Variants in BRINP1 observed in about 807,000 individuals in gnomAD.
BRINP1 encodes the protein BMP/retinoic acid-inducible neural-specific protein 1.
Under a neutral mutation model 72.9 loss-of-function variants are expected in BRINP1, and 17 were observed. The observed-to-expected ratio is 0.23, with a 90% CI of 0.16 to 0.35. The LOEUF (loss-of-function observed/expected upper bound fraction) is 0.35. BRINP1 is among the 10% of genes least tolerant of loss of function. The probability of loss-of-function intolerance (pLI) is 1.00; values close to 1 mark genes in which losing one functional copy is unlikely to be tolerated. For synonymous variants in BRINP1, 418 were observed against 378.5 expected (o/e 1.10, Z -1.21); for missense variants, 850 against 1,001.6 (o/e 0.85, Z 2.04).
At chr9:119,235,463 C>T (rs1830184817) in intron 5 of BRINP1, among the ~76,000 whole-genome samples, 1 of 152,098 alleles carries the variant, frequency 6.6e-6, no homozygotes, top group South Asian at 2.1e-4. Flanking sequence ...ATCTTTTTGG[C>T]AGAAAACTTT....
At chr9:119,237,458 G>T (rs1194812222) in intron 5 of BRINP1, among the ~76,000 whole-genome samples, 1 of 151,398 alleles carries the variant, frequency 6.6e-6, no homozygotes, top group East Asian at 2.0e-4. Context: ...TGCCTCCCGG[G>T]TTCATGCCCT....
intron 2 of BRINP1, among the ~76,000 whole-genome samples, chr9:119,284,936 T>C (rs1281706334): frequency 6.6e-6 from 1 of 152,288 alleles, no homozygotes; most frequent in African/African-American, 2.4e-5. Flanking sequence ...TTTCAGCAGA[T>C]AAATATTTAA....
chr9:119,249,831 G>A, intron 2 of BRINP1, among the ~76,000 whole-genome samples: 1 of 56,198 alleles, frequency 1.8e-5, no homozygotes. Context: ...AGGAAGGAAG[G>A]AAGGAAGGAA....
chr9:119,200,636 G>GAAAAAAAAAA (rs774466695), intron 7 of BRINP1, among the ~76,000 whole-genome samples: 58 of 121,086 alleles, frequency 4.8e-4, no homozygotes, highest in Non-Finnish European at 6.4e-4. Context: ...GAAAAAAAAA[G>GAAAAAAAAAA]AAAAAAAAAA....
chr9:119,169,492 G>A (rs1315540400), intron 7 of BRINP1, among the ~76,000 whole-genome samples: 1 of 152,228 alleles, frequency 6.6e-6, no homozygotes, highest in Non-Finnish European at 1.5e-5. Context: ...CGCCCACAGA[G>A]TCTCGCTGAT....
At chr9:119,211,932 G>T (rs540708204) in intron 6 of BRINP1, among the ~76,000 whole-genome samples, 4 of 151,784 alleles carry the variant, frequency 2.6e-5, no homozygotes, top group African/African-American at 9.7e-5. Flanking sequence ...TTTTCCTTGG[G>T]AATAAGGATT....
rs1829889094 is a variant in BRINP1, at chr9:119,208,928, T to A, written c.936A>T (p.Ser312=). 1 of 1,613,718 alleles carries A rather than the reference T, an allele frequency of 6.2e-7. No homozygotes were observed. The highest frequency in any genetic ancestry group is 1.1e-5 in the South Asian group (1 of 91,082). Residue 312 remains serine (S), a synonymous_variant, in exon 7 of 8, where the codon TCA becomes TCT. Coordinates refer to ENST00000265922, the MANE Select transcript of BRINP1 (RefSeq NM_014618.3). ...GGTTGCTGGGGAGGCGCTTCATAAA[T>A]GATTTAAACTCATCTAGTGAGAGAC... ...KDLENSDEFK[S]FMKRLPSNHF...
chr9:119,254,658 C>G (rs900949676), intron 2 of BRINP1, among the ~76,000 whole-genome samples: 6 of 152,104 alleles, frequency 3.9e-5, no homozygotes, highest in African/African-American at 1.4e-4. Context: ...TTGAGTCTAC[C>G]TAATCTGATT....
At chr9:119,202,712 C>T (rs866587644) in intron 7 of BRINP1, among the ~76,000 whole-genome samples, 2 of 152,094 alleles carry the variant, frequency 1.3e-5, no homozygotes, top group Non-Finnish European at 2.9e-5. Flanking sequence ...ATCACAGTAT[C>T]CCCAGATCCT....
intron 1 of BRINP1, among the ~76,000 whole-genome samples, chr9:119,355,345 A>G (rs1831550471): frequency 6.6e-6 from 1 of 152,218 alleles, no homozygotes; most frequent in Non-Finnish European, 1.5e-5. Context: ...ACTATATGTG[A>G]GGCATGTTGC....
intron 1 of BRINP1, among the ~76,000 whole-genome samples, chr9:119,356,326 C>G (rs868653750): frequency 6.6e-6 from 1 of 152,186 alleles, no homozygotes; most frequent in Non-Finnish European, 1.5e-5. Context: ...GGTCCACATG[C>G]ATTATCTCCT....
intron 3 of BRINP1, among the ~76,000 whole-genome samples, chr9:119,243,486 C>T (rs961583127): frequency 6.6e-6 from 1 of 152,146 alleles, no homozygotes; most frequent in African/African-American, 2.4e-5. Flanking sequence ...TATGTCTTTG[C>T]TATTGTGAAT....
rs941507470 is a variant in BRINP1, at chr9:119,212,890, A to T, written c.922+1029T>A. Among the ~76,000 whole-genome samples, 4 of 152,206 alleles carry T rather than the reference A, an allele frequency of 2.6e-5. No individual in the cohort carries two copies. In the East Asian group the frequency reaches 7.7e-4, roughly 29 times the overall value. Reference sequence around the variant, plus strand: ...ATCAAGTTGTCTAACATGCCTATCTAAAGGAGGTTTATGAGTATCACCTCA... The same window carrying T: ...ATCAAGTTGTCTAACATGCCTATCTTAAGGAGGTTTATGAGTATCACCTCA... On this transcript the variant is annotated intron_variant, in intron 6 of 7. Coordinates refer to ENST00000265922, the MANE Select transcript of BRINP1 (RefSeq NM_014618.3).
chr9:119,314,975 C>T (rs1831110847), intron 1 of BRINP1, among the ~76,000 whole-genome samples: 1 of 152,066 alleles, frequency 6.6e-6, no homozygotes, highest in Non-Finnish European at 1.5e-5. Flanking sequence ...CACCTGATCC[C>T]CACTGCCTGG....
At chr9:119,179,908 C>T (rs1018151254) in intron 7 of BRINP1, among the ~76,000 whole-genome samples, 1 of 152,240 alleles carries the variant, frequency 6.6e-6, no homozygotes, top group Admixed American at 6.5e-5. Context: ...GGCAACCTGA[C>T]AGGTCTCCTG....
chr9:119,263,472 G>A lies in BRINP1; in HGVS notation c.219-14322C>T, dbSNP rs373993603. On this transcript the variant is annotated intron_variant, in intron 2 of 7. Coordinates refer to ENST00000265922, the MANE Select transcript of BRINP1 (RefSeq NM_014618.3). Reference sequence around the variant, plus strand: ...CTAGCTCAGCCTCAGGCTCCCCCAGGCCAGCTGGCAATGATTTTATTGTCC... The same window carrying A: ...CTAGCTCAGCCTCAGGCTCCCCCAGACCAGCTGGCAATGATTTTATTGTCC... 1.2e-4 allele frequency among the ~76,000 whole-genome samples: 18 copies of A among 152,040 alleles called. No individual in the cohort carries two copies. In the East Asian group the frequency reaches 3.5e-3, roughly 29 times the overall value.
rs533105607 is a variant in BRINP1, at chr9:119,360,437, T to A, written c.-51+8619A>T. ...AAGAAATCTGGCTTATCCACTACCA[T>A]GTAAAGGGAAACGTACGTACTTACG... is the stretch of plus-strand genomic sequence containing the variant. On this transcript the variant is annotated intron_variant, in intron 1 of 7. Transcript: ENST00000265922. Among the ~76,000 whole-genome samples, 3 of 152,296 alleles carry A rather than the reference T, an allele frequency of 2.0e-5. No homozygotes were observed. The East Asian group carries it at 5.8e-4, about 29-fold the overall frequency.
At chr9:119,261,351 G>T (rs1830493587) in intron 2 of BRINP1, among the ~76,000 whole-genome samples, 1 of 152,062 alleles carries the variant, frequency 6.6e-6, no homozygotes, top group African/African-American at 2.4e-5. Context: ...ATTAGTCATC[G>T]CTGTGGCCAC....
chr9:119,221,917 AAG>A (rs572609970), intron 5 of BRINP1, among the ~76,000 whole-genome samples: 7 of 152,140 alleles, frequency 4.6e-5, no homozygotes, highest in Non-Finnish European at 1.0e-4. Flanking sequence ...GGTTCCATCA[AAG>A]ATTCAGATGG....
Sources: allele counts gnomAD v4.1 joint callset (sites outside exome capture counted in the v4.1 genomes callset), GRCh38; gene constraint gnomAD v4.1.1; transcripts MANE v1.5; gene names NCBI Gene and HGNC (gene_info 2026-07-23, HGNC 2026-07-21).